Variants in NRXN3 observed in about 807,000 individuals in gnomAD.
NRXN3 encodes the protein neurexin III.
In NRXN3, 32 loss-of-function variants were observed where a neutral mutation model predicts 137.6. The ratio of observed to expected loss-of-function variants is 0.23; its 90% CI spans 0.18 to 0.31. The LOEUF is 0.31. Among genes scored for constraint, NRXN3 ranks in the 10% least tolerant of loss-of-function variants. The pLI, the probability that NRXN3 is intolerant of heterozygous loss-of-function variation, is 1.00. For missense variants in NRXN3, 1,574 were observed against 2,062.5 expected (o/e 0.76, Z 4.59); for synonymous variants, 798 against 784.5 (o/e 1.02, Z -0.29).
chr14:78,852,189 G>T (rs2099044498), intron 10 of NRXN3, among the ~76,000 whole-genome samples: 1 of 152,104 alleles, frequency 6.6e-6, no homozygotes, highest in African/African-American at 2.4e-5. Context: ...ATGTTCAAGA[G>T]TCCCTGCATC....
rs1391157139 is a variant in NRXN3 at position 79,126,319 on chromosome 14, TC to T, written c.3262+138185del. ...TAGGTATATCTCCCAATGCTATCCCTCCCCCCCGCCCCACCCCACGACCGTC... is the reference window on the plus strand; with the variant it reads ...TAGGTATATCTCCCAATGCTATCCCTCCCCCCGCCCCACCCCACGACCGTC... On this transcript the variant is annotated intron_variant, in intron 15 of 20. Transcript: ENST00000335750. Among the ~76,000 whole-genome samples the T allele has an allele frequency of 8.5e-4, 90 of 106,172 alleles. 1 individual carries two copies. The highest frequency in any genetic ancestry group is 1.5e-3 in the Admixed American group (15 of 10,032). The allele number at this position is 106,172 out of a possible 152,430, so 69.7% of individuals were successfully genotyped here.
intron 15 of NRXN3, among the ~76,000 whole-genome samples, chr14:79,125,599 T>A (rs984404464): frequency 6.6e-6 from 1 of 152,186 alleles, no homozygotes; most frequent in Non-Finnish European, 1.5e-5. Flanking sequence ...CAATGCAGTC[T>A]TAAATAGCCC....
At chr14:78,950,836 T>A (rs1026581053) in intron 10 of NRXN3, among the ~76,000 whole-genome samples, 3 of 152,190 alleles carry the variant, frequency 2.0e-5, no homozygotes, top group Non-Finnish European at 4.4e-5. Flanking sequence ...TGCCGGGAGC[T>A]GGTTATCAAG....
chr14:79,818,122 C>T (rs1247010308), intron 20 of NRXN3, among the ~76,000 whole-genome samples: 3 of 136,512 alleles, frequency 2.2e-5, no homozygotes, highest in African/African-American at 8.2e-5. Context: ...GGCGCGATCT[C>T]GGCTCACTGC....
intron 15 of NRXN3, among the ~76,000 whole-genome samples, chr14:79,026,950 TTATATATATATATATATATA>T (rs764640398): frequency 0.011 from 1,472 of 134,924 alleles, 32 homozygotes; most frequent in African/African-American, 0.042. Context: ...TATTATAATT[TTATATATATATATATATATA>T]TATATATATA....
chr14:79,018,012 C>T (rs912677768), intron 15 of NRXN3, among the ~76,000 whole-genome samples: 3 of 151,836 alleles, frequency 2.0e-5, no homozygotes, highest in African/African-American at 7.3e-5. Context: ...GTAATCCTCG[C>T]ACTTTGGGAG....
chr14:79,129,015 G>T (rs1034108583), intron 15 of NRXN3, among the ~76,000 whole-genome samples: 10 of 152,256 alleles, frequency 6.6e-5, no homozygotes, highest in African/African-American at 2.4e-4. Context: ...TGTGGGATCG[G>T]TGGAGATATC....
chr14:78,610,529 T>C (rs1165315916), intron 4 of NRXN3, among the ~76,000 whole-genome samples: 2 of 152,200 alleles, frequency 1.3e-5, no homozygotes, highest in African/African-American at 4.8e-5. Flanking sequence ...CTGTTTGATA[T>C]TAAAATTTGT....
rs571209542 is a variant in NRXN3 at position 79,596,192 on chromosome 14, T to C, written c.3445-67586T>C. Among the ~76,000 whole-genome samples the C allele has an allele frequency of 3.6e-3, 548 of 152,186 alleles. 3 individuals carry two copies. The highest frequency in any genetic ancestry group is 0.013 in the African/African-American group (525 of 41,534). On this transcript the variant is annotated intron_variant, in intron 16 of 20. Transcript: ENST00000335750. The stretch of plus-strand genomic sequence containing the variant: ...TTTTTGAGCTGTAAAATATGCATTA[T>C]GGGGAGAGGTGAGCTGATAGTTGAG...
intron 15 of NRXN3, among the ~76,000 whole-genome samples, chr14:79,138,976 A>T (rs568747997): frequency 1.2e-4 from 19 of 152,336 alleles, no homozygotes; most frequent in Non-Finnish European, 2.4e-4. Flanking sequence ...GGCAACCTCT[A>T]TGTGAGGGGT....
chr14:78,535,160 C>T (rs2096522580), intron 4 of NRXN3, among the ~76,000 whole-genome samples: 1 of 151,480 alleles, frequency 6.6e-6, no homozygotes, highest in Non-Finnish European at 1.5e-5. Flanking sequence ...AAAAGCCTTC[C>T]ATTTCCCTCA....
intron 15 of NRXN3, among the ~76,000 whole-genome samples, chr14:79,055,130 G>T (rs1189204978): frequency 6.6e-6 from 1 of 152,162 alleles, no homozygotes; most frequent in African/African-American, 2.4e-5. Flanking sequence ...CACCTTAGGC[G>T]TTAGCTGTCT....
intron 16 of NRXN3, among the ~76,000 whole-genome samples, chr14:79,470,142 G>A (rs1212795854): frequency 6.6e-6 from 1 of 152,118 alleles, no homozygotes; most frequent in Non-Finnish European, 1.5e-5. Context: ...TGAGCATAAG[G>A]CAGAAGATGC....
intron 6 of NRXN3, among the ~76,000 whole-genome samples, chr14:78,699,008 T>G (rs2098253912): frequency 6.6e-6 from 1 of 152,002 alleles, no homozygotes; most frequent in South Asian, 2.1e-4. Flanking sequence ...TTCCCATTTT[T>G]CCACCTCCTC....
rs10623539 is a variant in NRXN3 at position 78,376,003 on chromosome 14, T to TACACACACACACAC, written c.757+78147_757+78160dup. 1.6e-3 allele frequency among the ~76,000 whole-genome samples: 235 copies of TACACACACACACAC among 146,826 alleles called. 1 individual carries two copies. The highest frequency in any genetic ancestry group is 5.6e-3 in the African/African-American group (221 of 39,646). On this transcript the variant is annotated intron_variant, in intron 4 of 20. Transcript: ENST00000335750. Reference sequence around the variant, plus strand: ...GCTGGTTCAACTTCTTCCTCCTTGATACACACACACACACACATACACACA... The same window carrying TACACACACACACAC: ...GCTGGTTCAACTTCTTCCTCCTTGATACACACACACACACACACACACACACACACATACACACA...
chr14:78,458,130 GTC>G (rs2094804951), intron 4 of NRXN3, among the ~76,000 whole-genome samples: 1 of 152,182 alleles, frequency 6.6e-6, no homozygotes, highest in African/African-American at 2.4e-5. Flanking sequence ...GAAGGAGACA[GTC>G]TCTATCTTTG....
intron 15 of NRXN3, among the ~76,000 whole-genome samples, chr14:79,347,118 T>A (rs1451838537): frequency 6.6e-6 from 1 of 152,000 alleles, no homozygotes; most frequent in Admixed American, 6.6e-5. Flanking sequence ...GCCATGCTTG[T>A]CCCCCCACCC....
At chr14:78,645,695 C>G (rs890529594) in intron 5 of NRXN3, among the ~76,000 whole-genome samples, 4 of 150,918 alleles carry the variant, frequency 2.7e-5, no homozygotes, top group African/African-American at 4.9e-5. Flanking sequence ...TACTTTCATT[C>G]CTTTTATTCT....
Position 79,692,190 on chromosome 14 carries a change from C to A in NRXN3, c.3634C>A (p.Arg1212Ser). ...CTTTAAAGGCAACACTGATAATGAA[C>A]GCTTCCAAATGGTAAAACAGAAAAT... is the stretch of plus-strand genomic sequence containing the variant. ...HYPTGNTDNE[R>S]FQMVKQKIPF... The change falls in exon 18 of 21, where the codon CGC becomes AGC. Residue 1212 changes from arginine (R) to serine (S), a missense_variant. Arg to Ser is a moderately radical substitution (Grantham distance 110). Transcript: ENST00000335750. 3.7e-6 allele frequency: 6 copies of A among 1,607,956 alleles called. No homozygotes were observed. Among genetic ancestry groups the A allele is most frequent in the Non-Finnish European group, 5.1e-6 (6 of 1,177,216 alleles).
Sources: allele counts gnomAD v4.1 joint callset (sites outside exome capture counted in the v4.1 genomes callset), GRCh38; gene constraint gnomAD v4.1.1; transcripts MANE v1.5; gene names NCBI Gene and HGNC (gene_info 2026-07-23, HGNC 2026-07-21).